CLMP: variants seen among roughly 807,000 people sequenced by gnomAD.
The protein encoded by CLMP is CXADR like cell adhesion molecule.
A neutral mutation model predicts 45.2 loss-of-function variants in CLMP; 27 were observed. That is an observed-to-expected ratio of 0.60 (90% CI 0.44 to 0.82). CLMP has a LOEUF of 0.82. CLMP is among the 40% of genes least tolerant of loss of function. CLMP has a pLI of 0.00. For synonymous variants in CLMP, 167 were observed against 171.4 expected, an observed-to-expected ratio of 0.97 and a Z score of 0.20; for missense variants, 403 against 448.4, an observed-to-expected ratio of 0.90 and a Z score of 0.91.
At chr11:123,079,050 T>A (rs1865772236) in intron 5 of CLMP, among the ~76,000 whole-genome samples, 1 of 152,148 alleles carries the variant, frequency 6.6e-6, no homozygotes, top group South Asian at 2.1e-4. Flanking sequence ...AGTGCTGGGA[T>A]TACAGGCATG....
intron 1 of CLMP, among the ~76,000 whole-genome samples, chr11:123,107,578 C>T (rs1470941237): frequency 3.5e-5 from 5 of 140,968 alleles, no homozygotes; most frequent in African/African-American, 1.3e-4. Context: ...CACTATGTTG[C>T]CCAGGCTGGC....
intron 2 of CLMP, among the ~76,000 whole-genome samples, chr11:123,095,814 G>A (rs1865981698): frequency 6.6e-6 from 1 of 152,174 alleles, no homozygotes; most frequent in Admixed American, 6.5e-5. Flanking sequence ...GATACCAAGA[G>A]TGGAGCATTT....
chr11:123,072,376 T>A lies in CLMP; in HGVS notation c.*1098A>T, dbSNP rs562335495. The stretch of plus-strand genomic sequence containing the variant: ...CAGGCTGGAGTGCAATGGCATAATC[T>A]TGGCTCACTGCAACCTCCACCTGCT... On this transcript the variant is annotated 3_prime_UTR_variant, in exon 7 of 7. Coordinates refer to ENST00000448775, the MANE Select transcript of CLMP (RefSeq NM_024769.5). 1 of 152,100 alleles carries A rather than the reference T, an allele frequency of 6.6e-6. No individual in the cohort carries two copies. The highest frequency in any genetic ancestry group is 2.1e-4 in the South Asian group (1 of 4,814). 9.4% of individuals were successfully genotyped at this position (152,100 alleles called of 1,614,324 possible).
intron 2 of CLMP, among the ~76,000 whole-genome samples, chr11:123,094,985 A>C (rs1260443920): frequency 6.6e-6 from 1 of 152,180 alleles, no homozygotes; most frequent in Non-Finnish European, 1.5e-5. Flanking sequence ...CTAAGAAGGC[A>C]AGGACTATGA....
intron 1 of CLMP, among the ~76,000 whole-genome samples, chr11:123,180,146 T>A (rs1333353325): frequency 6.6e-6 from 1 of 152,210 alleles, no homozygotes; most frequent in African/African-American, 2.4e-5. Context: ...AGTGAGTACA[T>A]GAGCATCTCT....
At chr11:123,151,130 G>A (rs1345591433) in intron 1 of CLMP, among the ~76,000 whole-genome samples, 1 of 152,220 alleles carries the variant, frequency 6.6e-6, no homozygotes, top group Non-Finnish European at 1.5e-5. Flanking sequence ...GAGGACCAGC[G>A]TGCTGTCTGT....
chr11:123,088,098 T>C (rs149425310), intron 2 of CLMP, among the ~76,000 whole-genome samples: 3,139 of 151,910 alleles, frequency 0.021, 103 homozygotes, highest in East Asian at 0.17. Context: ...TTAGAAGAGA[T>C]GGGGTTTCTC....
chr11:123,083,143 C>T lies in CLMP; in HGVS notation c.621G>A (p.Gln207=). 2 of 1,614,186 alleles carry T rather than the reference C, an allele frequency of 1.2e-6. No individual in the cohort carries two copies. Among genetic ancestry groups the T allele is most frequent in the Non-Finnish European group, 1.7e-6 (2 of 1,180,032 alleles). ...TCCCAGCTTCGTTGCCTGCTGTGCA[C>T]TGGTACAGTCCAGAGTAGGACATGG... is the stretch of plus-strand genomic sequence containing the variant. ...NLTMSYSGLY[Q]CTAGNEAGKE... is the part of the protein sequence containing the mutation. Residue 207 remains glutamine, a synonymous_variant, in exon 5 of 7, where the codon CAG becomes CAA. Transcript: ENST00000448775.
At chr11:123,110,620 A>T (rs898517860) in intron 1 of CLMP, among the ~76,000 whole-genome samples, 14 of 150,916 alleles carry the variant, frequency 9.3e-5, no homozygotes, top group Admixed American at 6.6e-5. Flanking sequence ...CTTCTCAAAG[A>T]AAAAAAAATG....
chr11:123,125,513 CT>C (rs1860878089), intron 1 of CLMP, among the ~76,000 whole-genome samples: 1 of 96,320 alleles, frequency 1.0e-5, no homozygotes, highest in Non-Finnish European at 2.2e-5. Flanking sequence ...CCTCCCTTCC[CT>C]TCCCTTCCCT....
At chr11:123,089,798 AAGAAAAAG>A (rs1865908965) in intron 2 of CLMP, among the ~76,000 whole-genome samples, 1 of 133,794 alleles carries the variant, frequency 7.5e-6, no homozygotes, top group Non-Finnish European at 1.6e-5. Context: ...AAAAAAGAAA[AAGAAAAAG>A]AAACAAAACA....
intron 1 of CLMP, among the ~76,000 whole-genome samples, chr11:123,107,292 G>A (rs372093377): frequency 6.6e-6 from 1 of 151,698 alleles, no homozygotes; most frequent in Admixed American, 6.6e-5. Context: ...GTGCAGTGGC[G>A]TGATCTCAGC....
At chr11:123,100,715 A>G (rs1866046604) in intron 1 of CLMP, among the ~76,000 whole-genome samples, 1 of 152,136 alleles carries the variant, frequency 6.6e-6, no homozygotes, top group Non-Finnish European at 1.5e-5. Flanking sequence ...GTGCCTCTAA[A>G]TGAAGCTCTT....
intron 1 of CLMP, among the ~76,000 whole-genome samples, chr11:123,193,630 G>A (rs1411807937): frequency 6.6e-6 from 1 of 152,184 alleles, no homozygotes; most frequent in Admixed American, 6.5e-5. Context: ...CCTGAGGCTG[G>A]CCAAGATGGG....
At chr11:123,124,519 T>C (rs149964181) in intron 1 of CLMP, among the ~76,000 whole-genome samples, 1,552 of 152,380 alleles carry the variant, frequency 0.01, 11 homozygotes, top group Non-Finnish European at 0.017. Flanking sequence ...CAGCAGAGAC[T>C]AGAAGGGCCA....
intron 1 of CLMP, among the ~76,000 whole-genome samples, chr11:123,162,004 G>C (rs754591854): frequency 3.9e-5 from 6 of 152,236 alleles, no homozygotes; most frequent in Middle Eastern, 3.2e-3. Flanking sequence ...CTAGGATTGA[G>C]AACCCCTGTG....
intron 1 of CLMP, among the ~76,000 whole-genome samples, chr11:123,142,033 G>A (rs570960432): frequency 6.8e-6 from 1 of 147,100 alleles, no homozygotes; most frequent in South Asian, 2.2e-4. Context: ...CCCCCAGGCT[G>A]GAGTACAGTG....
intron 1 of CLMP, among the ~76,000 whole-genome samples, chr11:123,182,248 A>G (rs978730053): frequency 4.8e-4 from 73 of 152,354 alleles, no homozygotes; most frequent in African/African-American, 1.7e-3. Context: ...ACCCTAGAGA[A>G]GCTGGTGAAG....
chr11:123,101,281 A>G (rs1473918602), intron 1 of CLMP, among the ~76,000 whole-genome samples: 1 of 151,950 alleles, frequency 6.6e-6, no homozygotes, highest in Non-Finnish European at 1.5e-5. Context: ...ATTTTTCTGT[A>G]TTTTTAATAG....
Sources: allele counts gnomAD v4.1 joint callset (sites outside exome capture counted in the v4.1 genomes callset), GRCh38; gene constraint gnomAD v4.1.1; transcripts MANE v1.5; gene names NCBI Gene and HGNC (gene_info 2026-07-23, HGNC 2026-07-21).